EPB41L3: variants seen among roughly 807,000 people sequenced by gnomAD.
EPB41L3 encodes band 4.1-like protein 3.
In EPB41L3, 57 loss-of-function variants were observed where a neutral mutation model predicts 127.1. That is an observed-to-expected ratio of 0.45 (90% CI 0.36 to 0.56). The LOEUF (loss-of-function observed/expected upper bound fraction) is 0.56. Among genes scored for constraint, EPB41L3 ranks in the 20% least tolerant of loss-of-function variants. The pLI is 0.00. For missense variants in EPB41L3, 1,273 were observed against 1,372.2 expected (o/e 0.93, Z 1.14); for synonymous variants, 572 against 549.5 (o/e 1.04, Z -0.57).
rs368191543 is a variant in EPB41L3, at chr18:5,434,010, G to T, written c.717C>A (p.Asp239Glu). 8.7e-6 allele frequency: 14 copies of T among 1,614,168 alleles called. No homozygotes were observed. Among genetic ancestry groups the T allele is most frequent in the Non-Finnish European group, 1.2e-5 (14 of 1,180,036 alleles). Residue 239 changes from aspartate (D) to glutamate (E), a missense_variant, in exon 7 of 23, where the codon GAC becomes GAA. Asp to Glu is a conservative substitution (Grantham distance 45). This residue lies in a region of EPB41L3 where 326 missense variants were observed against 440.2 expected (regional missense o/e 0.74). Coordinates refer to ENST00000341928, the MANE Select transcript of EPB41L3 (RefSeq NM_012307.5). ...CGCTCCCACATTCATCTGGGTCATA[G>T]TCTCCGAGCTCTGACTGGACAGTGT... ...GSYTVQSELG[D>E]YDPDECGSDY...
At chr18:5,595,625 T>A (rs773964164) in intron 3 of EPB41L3, among the ~76,000 whole-genome samples, 1 of 152,076 alleles carries the variant, frequency 6.6e-6, no homozygotes, top group Admixed American at 6.6e-5. Flanking sequence ...GCTCAGAGAG[T>A]AGGATGCATC....
chr18:5,414,954 T>C (rs1012839746), intron 13 of EPB41L3, among the ~76,000 whole-genome samples: 5 of 152,222 alleles, frequency 3.3e-5, no homozygotes, highest in African/African-American at 1.2e-4. Flanking sequence ...TCGCCCACTA[T>C]GTCCATGTCT....
intron 1 of EPB41L3, among the ~76,000 whole-genome samples, chr18:5,506,377 T>G (rs1030407973): frequency 6.6e-6 from 1 of 152,090 alleles, no homozygotes; most frequent in Admixed American, 6.6e-5. Flanking sequence ...CTCAGCGTCC[T>G]CCCCACCACT....
At chr18:5,499,564 C>T (rs965349161) in intron 1 of EPB41L3, among the ~76,000 whole-genome samples, 1 of 151,876 alleles carries the variant, frequency 6.6e-6, no homozygotes, top group Non-Finnish European at 1.5e-5. Context: ...GAGATCAAGA[C>T]CATCCTGGCT....
In EPB41L3 at chr18:5,476,493, T is replaced by C. The variant is rs1030629480; in HGVS notation, c.381+1748A>G. Among the ~76,000 whole-genome samples the C allele has an allele frequency of 7.9e-5, 12 of 152,298 alleles. No homozygotes were observed. The South Asian group carries it at 1.9e-3, about 24-fold the overall frequency. On this transcript the variant is annotated intron_variant, in intron 3 of 22. Coordinates refer to ENST00000341928, the MANE Select transcript of EPB41L3 (RefSeq NM_012307.5). The stretch of plus-strand genomic sequence containing the variant: ...AATCTGACAAAATGTTCAACAATAC[T>C]TGTACCTCGGTCAGCCCTAAGGCAT...
At chr18:5,530,617 T>G (rs1307712691) in intron 1 of EPB41L3, among the ~76,000 whole-genome samples, 2 of 152,052 alleles carry the variant, frequency 1.3e-5, no homozygotes, top group Admixed American at 6.5e-5. Flanking sequence ...CCTCCTGGCC[T>G]CTGTACACGC....
intron 3 of EPB41L3, among the ~76,000 whole-genome samples, chr18:5,595,524 G>A (rs1017477424): frequency 2.3e-4 from 35 of 152,168 alleles, no homozygotes; most frequent in Admixed American, 1.1e-3. Context: ...GCCATCTCAC[G>A]TGCCATGTCT....
chr18:5,508,466 T>C (rs1050287070), intron 1 of EPB41L3, among the ~76,000 whole-genome samples: 1 of 152,160 alleles, frequency 6.6e-6, no homozygotes, highest in African/African-American at 2.4e-5. Context: ...CTGCTTCTTA[T>C]GTATAAGAAT....
intron 2 of EPB41L3, among the ~76,000 whole-genome samples, chr18:5,612,929 C>T (rs543901422): frequency 6.6e-5 from 10 of 152,202 alleles, no homozygotes; most frequent in South Asian, 2.1e-4. Flanking sequence ...TTAGTAGAGA[C>T]GAGGTTTCAC....
At chr18:5,485,729 T>C (rs1225112195) in intron 2 of EPB41L3, among the ~76,000 whole-genome samples, 1 of 152,002 alleles carries the variant, frequency 6.6e-6, no homozygotes, top group Non-Finnish European at 1.5e-5. Flanking sequence ...CAAGAAGCAA[T>C]CCTATTTACA....
chr18:5,544,502 G>C (rs1221304831), upstream of EPB41L3, among the ~76,000 whole-genome samples: 1 of 152,012 alleles, frequency 6.6e-6, no homozygotes, highest in Admixed American at 6.5e-5. Flanking sequence ...CTTGATAAGA[G>C]AAGTCGCCCA....
chr18:5,484,519 T>TCAA (rs1555743756), intron 2 of EPB41L3, among the ~76,000 whole-genome samples: 100 of 146,366 alleles, frequency 6.8e-4, no homozygotes, highest in African/African-American at 2.4e-3. Flanking sequence ...GAAATTGAGA[T>TCAA]AAAAAAAAAA....
At chr18:5,603,529 C>T (rs1028740001) in intron 3 of EPB41L3, among the ~76,000 whole-genome samples, 4 of 152,104 alleles carry the variant, frequency 2.6e-5, no homozygotes, top group Non-Finnish European at 4.4e-5. Flanking sequence ...TGGGCAATTA[C>T]GGGTTTTGCC....
intron 3 of EPB41L3, among the ~76,000 whole-genome samples, chr18:5,591,005 T>A (rs1018587411): frequency 2.0e-5 from 3 of 152,166 alleles, no homozygotes; most frequent in Non-Finnish European, 2.9e-5. Flanking sequence ...CTCACAAATC[T>A]GTACATACAG....
chr18:5,457,804 C>T (rs1027637578), intron 3 of EPB41L3, among the ~76,000 whole-genome samples: 5 of 152,278 alleles, frequency 3.3e-5, no homozygotes, highest in African/African-American at 9.6e-5. Context: ...ACCCGTTCGT[C>T]CTTCTCTCCA....
intron 3 of EPB41L3, among the ~76,000 whole-genome samples, chr18:5,585,202 A>T (rs974754007): frequency 1.3e-5 from 2 of 152,216 alleles, no homozygotes; most frequent in African/African-American, 4.8e-5. Flanking sequence ...CAAGAAGTGG[A>T]TGTTGAGTTT....
chr18:5,429,609 T>A (rs11876144), intron 8 of EPB41L3, among the ~76,000 whole-genome samples: 1 of 152,136 alleles, frequency 6.6e-6, no homozygotes, highest in Non-Finnish European at 1.5e-5. Flanking sequence ...GAAATACATA[T>A]ACTGGTCCAT....
intron 6 of EPB41L3, among the ~76,000 whole-genome samples, chr18:5,437,695 C>T (rs1426415946): frequency 1.3e-5 from 2 of 152,134 alleles, no homozygotes; most frequent in Admixed American, 1.3e-4. Flanking sequence ...CATTTTTACT[C>T]TAAGTATTAA....
chr18:5,414,922 G>A (rs1188146790), intron 13 of EPB41L3, among the ~76,000 whole-genome samples: 8 of 152,210 alleles, frequency 5.3e-5, no homozygotes, highest in African/African-American at 1.7e-4. Flanking sequence ...TTCAAGGATG[G>A]AGGCTGATAG....
Sources: gnomAD v4.1 joint callset for allele counts (sites outside exome capture counted in the v4.1 genomes callset) on GRCh38, gnomAD v4.1.1 for gene constraint, gnomAD v4.1.1 regional missense constraint, MANE v1.5 for transcripts, NCBI Gene and HGNC (gene_info 2026-07-23, HGNC 2026-07-21) for gene names.